Variants in UBE2J1 observed in about 807,000 individuals in gnomAD.
UBE2J1 encodes the protein ubiquitin-conjugating enzyme E2 J1.
UBE2J1 carries 17 observed loss-of-function variants against 42.1 expected under a neutral mutation model. That is an observed-to-expected ratio of 0.40 (90% confidence interval 0.28 to 0.61). The LOEUF is 0.61. UBE2J1 is among the 20% of genes least tolerant of loss of function. The pLI, the probability that UBE2J1 is intolerant of heterozygous loss-of-function variation, is 0.38. For synonymous variants in UBE2J1, 127 were observed against 137.2 expected (o/e 0.93, Z 0.52); for missense variants, 291 against 389.4 (o/e 0.75, Z 2.13).
In UBE2J1 at chr6:89,329,672, A is replaced by G; in HGVS notation, c.*7T>C. 6.2e-7 allele frequency: 1 copy of G among 1,614,016 alleles called. No individual in the cohort carries two copies. Among genetic ancestry groups the G allele is most frequent in the East Asian group, 2.2e-5 (1 of 44,890 alleles). ...TTGAGTCACAGCTCATAAGTCACAA[A>G]ACCATATTATAACTCAAAGTCAAAT... is the stretch of plus-strand genomic sequence containing the variant. On this transcript the variant is annotated 3_prime_UTR_variant, in exon 8 of 8. Transcript: ENST00000435041.
intron 3 of UBE2J1, among the ~76,000 whole-genome samples, chr6:89,340,742 GTATTTATT>G (rs138529944): frequency 0.22 from 33,083 of 148,190 alleles, 4,079 homozygotes; most frequent in South Asian, 0.42. Flanking sequence ...CATTAATTTG[GTATTTATT>G]TATTTATTTA....
At position 89,340,774 on chromosome 6, in the gene UBE2J1, G is replaced by GT. The variant is rs1179780677; in HGVS notation, c.237+1549dup. 3.6e-3 allele frequency among the ~76,000 whole-genome samples: 459 copies of GT among 126,448 alleles called. 2 individuals are homozygous for GT. The highest frequency in any genetic ancestry group is 0.011 in the African/African-American group (373 of 34,050). The allele number at this position is 126,448 out of a possible 152,430, so 83.0% of individuals were successfully genotyped here. On this transcript the variant is annotated intron_variant, in intron 3 of 7. Transcript: ENST00000435041. ...TTTATTTATTTATTTATTTATTTAT[G>GT]TTTTTTTTTTTTGAGATGGAGTCTC...
chr6:89,348,122 C>T (rs968944013), intron 1 of UBE2J1, among the ~76,000 whole-genome samples: 2 of 152,206 alleles, frequency 1.3e-5, no homozygotes, highest in Non-Finnish European at 2.9e-5. Flanking sequence ...CTTGCTTCTA[C>T]ATGGCTAGAG....
At chr6:89,340,933 G>A (rs1362127675) in intron 3 of UBE2J1, among the ~76,000 whole-genome samples, 2 of 151,356 alleles carry the variant, frequency 1.3e-5, no homozygotes, top group East Asian at 1.9e-4. Flanking sequence ...CCGCCACCGC[G>A]CCCGGCTAAT....
At chr6:89,338,344 C>T (rs1047505134) in intron 4 of UBE2J1, 34 bp from the exon 5 acceptor site, 2 of 1,599,682 alleles carry the variant, frequency 1.3e-6, no homozygotes, top group Admixed American at 3.4e-5. Context: ...ATCTAAATTG[C>T]TTTGTAAAAG....
rs139472058 is a variant in UBE2J1 at position 89,350,354 on chromosome 6, C to CGTGT, written c.31+2181_31+2184dup. Among the ~76,000 whole-genome samples the CGTGT allele has an allele frequency of 4.2e-3, 629 of 151,398 alleles. 2 individuals are homozygous for CGTGT. The highest frequency in any genetic ancestry group is 0.014 in the African/African-American group (599 of 41,368). On this transcript the variant is annotated intron_variant, in intron 1 of 7. Coordinates refer to ENST00000435041, the MANE Select transcript of UBE2J1 (RefSeq NM_016021.3). ...GTTTGTCTGGTATGTTGGTATTTTA[C>CGTGT]GTGTGTGTGTGTGTGCACCCTGCCA...
At chr6:89,351,343 G>A (rs1177099283) in intron 1 of UBE2J1, among the ~76,000 whole-genome samples, 5 of 152,106 alleles carry the variant, frequency 3.3e-5, no homozygotes, top group East Asian at 1.9e-4. Flanking sequence ...GGGATTACAA[G>A]CGTGTGCCAC....
chr6:89,343,833 G>GA, intron 1 of UBE2J1, 77 bp from the exon 2 acceptor site: 2 of 1,149,284 alleles, frequency 1.7e-6, no homozygotes, highest in Admixed American at 2.4e-5. Context: ...CGAGCCTAAT[G>GA]AAAAAATGTG....
chr6:89,335,265 G>T (rs1768085999), intron 6 of UBE2J1, 37 bp downstream of exon 6: 1 of 1,531,558 alleles, frequency 6.5e-7, no homozygotes, highest in Non-Finnish European at 8.8e-7. Context: ...AAACAAAAGG[G>T]TTGCAAGATT....
chr6:89,340,840 A>G lies in UBE2J1; in HGVS notation c.237+1484T>C, dbSNP rs186105969. Among the ~76,000 whole-genome samples, 775 of 151,302 alleles carry G rather than the reference A, an allele frequency of 5.1e-3. 24 individuals are homozygous for G. The highest frequency in any genetic ancestry group is 0.04 in the Admixed American group (602 of 15,206). ...CTGGACTGCGGACTGCAGTGGCGCA[A>G]TCTCGGCTCACTGCAAGCTCCGCTT... On this transcript the variant is annotated intron_variant, in intron 3 of 7. Transcript: ENST00000435041.
chr6:89,343,160 G>GGC (rs1286360668), intron 2 of UBE2J1, among the ~76,000 whole-genome samples: 1 of 152,126 alleles, frequency 6.6e-6, no homozygotes, highest in African/African-American at 2.4e-5. Context: ...ACCTCGGCCG[G>GGC]GTGCAGTGGC....
intron 1 of UBE2J1, among the ~76,000 whole-genome samples, chr6:89,344,686 C>T (rs1768324669): frequency 6.6e-6 from 1 of 152,166 alleles, no homozygotes; most frequent in Non-Finnish European, 1.5e-5. Flanking sequence ...ACCTAATGTC[C>T]CCACATTTCT....
intron 1 of UBE2J1, among the ~76,000 whole-genome samples, chr6:89,346,819 T>G (rs1768373859): frequency 6.6e-6 from 1 of 152,174 alleles, no homozygotes; most frequent in Non-Finnish European, 1.5e-5. Flanking sequence ...TAACACTGTA[T>G]TTTTCCTCTT....
chr6:89,340,336 G>A (rs1326638735), intron 3 of UBE2J1, among the ~76,000 whole-genome samples: 2 of 152,128 alleles, frequency 1.3e-5, no homozygotes. Flanking sequence ...TGTTGGTAAA[G>A]AGCTGCTGCT....
rs886506548 is a variant in UBE2J1 at position 89,327,601 on chromosome 6, G to T, written c.*2078C>A. ...AAACAAGCAGGTGGCTAGCTGACAGGTGGGGGAAGAGATGCAAGTCAGATA... is the reference window on the plus strand; with the variant it reads ...AAACAAGCAGGTGGCTAGCTGACAGTTGGGGGAAGAGATGCAAGTCAGATA... On this transcript the variant is annotated 3_prime_UTR_variant, in exon 8 of 8. Coordinates refer to ENST00000435041, the MANE Select transcript of UBE2J1 (RefSeq NM_016021.3). The T allele has an allele frequency of 1.3e-5, 2 of 152,248 alleles. No homozygotes were observed. The highest frequency in any genetic ancestry group is 3.8e-4 in the East Asian group (2 of 5,202). 9.4% of individuals were successfully genotyped at this position (152,248 alleles called of 1,614,324 possible).
In UBE2J1 at chr6:89,329,955, G is replaced by A. The variant is rs199520794; in HGVS notation, c.681C>T (p.Tyr227=). ...TFQGATASTS[Y]GLQNSSAASF... ...ATGCTGCTGAGGAATTCTGGAGTCC[G>A]TACTAGGAAATTTTAAGAAACTTTG... The change falls in exon 8 of 8, where the codon TAC becomes TAT. Residue 227 remains tyrosine, a splice_region_variant and synonymous_variant. Transcript: ENST00000435041. The A allele has an allele frequency of 3.2e-5, 52 of 1,612,864 alleles. No homozygotes were observed. Among genetic ancestry groups the A allele is most frequent in the Middle Eastern group, 3.3e-4 (2 of 6,076 alleles).
intron 1 of UBE2J1, among the ~76,000 whole-genome samples, chr6:89,347,470 A>G (rs1768384327): frequency 6.6e-6 from 1 of 152,242 alleles, no homozygotes; most frequent in Admixed American, 6.5e-5. Context: ...ACAGGAGAGA[A>G]GAAAATAAAC....
rs147423016 is a variant in UBE2J1 at position 89,339,911 on chromosome 6, G to A, written c.238-1368C>T. 8.5e-3 allele frequency among the ~76,000 whole-genome samples: 1,295 copies of A among 152,046 alleles called. 19 individuals are homozygous for A. Among genetic ancestry groups the A allele is most frequent in the African/African-American group, 0.029 (1,185 of 41,440 alleles). On this transcript the variant is annotated intron_variant, in intron 3 of 7. Transcript: ENST00000435041. ...TGTGACTATAGTCTCAGCTACTCAG[G>A]AGGCTGACGTGGGAGGATCATTTGA...
At chr6:89,348,951 G>A (rs1300022239) in intron 1 of UBE2J1, among the ~76,000 whole-genome samples, 1 of 152,156 alleles carries the variant, frequency 6.6e-6, no homozygotes, top group Admixed American at 6.5e-5. Flanking sequence ...AGGTAAAAAC[G>A]CAGGCCTGGT....
Sources: allele counts gnomAD v4.1 joint callset (sites outside exome capture counted in the v4.1 genomes callset), GRCh38; gene constraint gnomAD v4.1.1; transcripts MANE v1.5; gene names NCBI Gene and HGNC (gene_info 2026-07-23, HGNC 2026-07-21).